CHORDC1: variants seen among roughly 807,000 people sequenced by gnomAD.
CHORDC1 encodes the protein cysteine and histidine-rich domain-containing protein 1.
CHORDC1 carries 25 observed loss-of-function variants against 48.3 expected under a neutral mutation model. That is an observed-to-expected ratio of 0.52 (90% CI 0.38 to 0.72). The LOEUF is 0.72. Among genes scored for constraint, CHORDC1 ranks in the 30% least tolerant of loss-of-function variants. The pLI, the probability that CHORDC1 is intolerant of heterozygous loss-of-function variation, is 0.00. For synonymous variants in CHORDC1, 128 were observed against 126.4 expected, an observed-to-expected ratio of 1.01 and a Z score of -0.09; for missense variants, 317 against 388.7, an observed-to-expected ratio of 0.82 and a Z score of 1.55.
chr11:90,220,922 T>C (rs1236815540), intron 1 of CHORDC1, among the ~76,000 whole-genome samples: 1 of 152,046 alleles, frequency 6.6e-6, no homozygotes, highest in Non-Finnish European at 1.5e-5. Flanking sequence ...CTAGAATAAG[T>C]GTTTAACATA....
rs1565171793 is a variant in CHORDC1, at chr11:90,215,241, CAA to C, written c.115-13_115-12del. ...ACAGCAAGACCAACCCTATGAAAAA[CAA>C]GAGAAGGAAACTAAAAACTCTATTT... On this transcript the variant is annotated splice_polypyrimidine_tract_variant and intron_variant, in intron 2 of 10. Coordinates refer to ENST00000320585, the MANE Select transcript of CHORDC1 (RefSeq NM_012124.3). 15 of 1,538,098 alleles carry C rather than the reference CAA, an allele frequency of 9.8e-6. No individual in the cohort carries two copies. The highest frequency in any genetic ancestry group is 6.9e-5 in the African/African-American group (5 of 72,092).
In CHORDC1 at chr11:90,206,183, T is replaced by A. The variant is rs1247888893; in HGVS notation, c.563+19A>T. 1 of 1,347,558 alleles carries A rather than the reference T, an allele frequency of 7.4e-7. No individual in the cohort carries two copies. The highest frequency in any genetic ancestry group is 1.1e-6 in the Non-Finnish European group (1 of 941,012). 83.5% of individuals were successfully genotyped at this position (1,347,558 alleles called of 1,614,324 possible). On this transcript the variant is annotated intron_variant, in intron 7 of 10. Transcript: ENST00000320585. Reference sequence around the variant, plus strand: ...TAAATTCTACCATAAACTATTTTAATAAGTCATGCATAAGTTACCCCTCAT... The same window carrying A: ...TAAATTCTACCATAAACTATTTTAAAAAGTCATGCATAAGTTACCCCTCAT...
intron 1 of CHORDC1, among the ~76,000 whole-genome samples, chr11:90,219,597 A>T (rs1276562233): frequency 1.3e-5 from 2 of 152,218 alleles, no homozygotes; most frequent in Non-Finnish European, 2.9e-5. Context: ...AACCACAAAC[A>T]ATAGCATGAG....
rs570414680 is a variant in CHORDC1 at position 90,200,692 on chromosome 11, A to G, written c.*1713T>C. ...AATCAATGTTTTGATCAATGTAACT[A>G]ATCTGAGGTTACAATAACTCACTGC... On this transcript the variant is annotated 3_prime_UTR_variant, in exon 11 of 11. Transcript: ENST00000320585. Among the ~76,000 whole-genome samples the G allele has an allele frequency of 6.6e-6, 1 of 152,068 alleles. No homozygotes were observed. The highest frequency in any genetic ancestry group is 2.4e-5 in the African/African-American group (1 of 41,548).
At chr11:90,222,697 C>G (rs1211843618) in intron 1 of CHORDC1, 194 bp downstream of exon 1, 1 of 705,640 alleles carries the variant, frequency 1.4e-6, no homozygotes, top group Non-Finnish European at 2.6e-6. Flanking sequence ...GGGCCGGGCG[C>G]TCGCCAAGGG....
At chr11:90,221,291 T>A (rs986610158) in intron 1 of CHORDC1, among the ~76,000 whole-genome samples, 4 of 152,210 alleles carry the variant, frequency 2.6e-5, no homozygotes, top group Non-Finnish European at 5.9e-5. Flanking sequence ...TATCTCCATT[T>A]TCTTCTCCTT....
chr11:90,202,575 C>T (rs767233638), intron 10 of CHORDC1, 24 bp from the exon 11 acceptor site: 18 of 1,607,858 alleles, frequency 1.1e-5, no homozygotes, highest in Middle Eastern at 1.7e-4. Context: ...AAGAGAATTA[C>T]AGGAAACCTC....
At chr11:90,206,308 G>GT (rs1461637539) in intron 6 of CHORDC1, 36 bp from the exon 7 acceptor site, 6 of 1,108,836 alleles carry the variant, frequency 5.4e-6, no homozygotes, top group African/African-American at 1.5e-5. Flanking sequence ...AATTAGCTGC[G>GT]TATCTTACAG....
intron 1 of CHORDC1, among the ~76,000 whole-genome samples, chr11:90,220,603 G>A (rs890454663): frequency 6.6e-6 from 1 of 152,124 alleles, no homozygotes; most frequent in Non-Finnish European, 1.5e-5. Flanking sequence ...AGTCAGATCT[G>A]AACCATACAA....
At position 90,203,215 on chromosome 11, in the gene CHORDC1, T is replaced by C. The variant is rs1161812615; in HGVS notation, c.789+93A>G. 3 of 1,201,202 alleles carry C rather than the reference T, an allele frequency of 2.5e-6. No homozygotes were observed. In the African/African-American group the frequency reaches 4.5e-5, roughly 18 times the overall value. 74.4% of individuals were successfully genotyped at this position (1,201,202 alleles called of 1,614,324 possible). On this transcript the variant is annotated intron_variant, in intron 9 of 10. Coordinates refer to ENST00000320585, the MANE Select transcript of CHORDC1 (RefSeq NM_012124.3). ...GTCATTATAAAATCTTACCCCCAAA[T>C]CAGCTGAGATATAAACAATACTTTA...
At chr11:90,204,844 G>C (rs906617300) in intron 8 of CHORDC1, among the ~76,000 whole-genome samples, 7 of 152,168 alleles carry the variant, frequency 4.6e-5, no homozygotes, top group Admixed American at 4.6e-4. Flanking sequence ...TGAGCAATAA[G>C]TTGCTCATCC....
chr11:90,205,851 G>C (rs1040595861), intron 7 of CHORDC1: 26 of 447,882 alleles, frequency 5.8e-5, no homozygotes, highest in African/African-American at 5.2e-4. Flanking sequence ...TTGGGATAAT[G>C]TTGTCTTAGT....
intron 1 of CHORDC1, among the ~76,000 whole-genome samples, chr11:90,220,879 A>T (rs1051449563): frequency 1.3e-5 from 2 of 151,896 alleles, no homozygotes; most frequent in African/African-American, 2.4e-5. Flanking sequence ...TACGTCGATT[A>T]AAAAAAATAC....
chr11:90,202,761 C>G (rs977948840), intron 10 of CHORDC1, 52 bp downstream of exon 10: 12 of 1,527,170 alleles, frequency 7.9e-6, no homozygotes, highest in Non-Finnish European at 1.1e-5. Flanking sequence ...TTTTATTCTA[C>G]AAATGATCTA....
intron 4 of CHORDC1, chr11:90,212,310 T>G (rs1277777916): frequency 6.6e-6 from 1 of 152,208 alleles, no homozygotes; most frequent in African/African-American, 2.4e-5. Context: ...GTTTTTTTCT[T>G]GCCTGCCACC....
chr11:90,200,611 A>G lies in CHORDC1; in HGVS notation c.*1794T>C, dbSNP rs1415781546. ...GAAGAAAGTAAATACCATGGTCACT[A>G]ATGTAACCAGACTAAATATAAAAGC... On this transcript the variant is annotated 3_prime_UTR_variant, in exon 11 of 11. Coordinates refer to ENST00000320585, the MANE Select transcript of CHORDC1 (RefSeq NM_012124.3). 6.6e-6 allele frequency among the ~76,000 whole-genome samples: 1 copy of G among 151,674 alleles called. No individual in the cohort carries two copies. Among genetic ancestry groups the G allele is most frequent in the Non-Finnish European group, 1.5e-5 (1 of 67,812 alleles).
chr11:90,205,980 T>C lies in CHORDC1; in HGVS notation c.563+222A>G, dbSNP rs181350855. Reference sequence around the variant, plus strand: ...AATATGAAGAAAAACAGGCAGTTTATATCACAATGACCACTTAAGAACTGT... The same window carrying C: ...AATATGAAGAAAAACAGGCAGTTTACATCACAATGACCACTTAAGAACTGT... On this transcript the variant is annotated intron_variant, in intron 7 of 10. Transcript: ENST00000320585. 1.4e-4 allele frequency: 76 copies of C among 544,548 alleles called. No individual in the cohort carries two copies. The East Asian group carries it at 2.2e-3, about 16-fold the overall frequency. The allele number at this position is 544,548 out of a possible 1,614,324, so 33.7% of individuals were successfully genotyped here. A position where few individuals can be genotyped will look rare whatever the true frequency, so the allele number is the denominator to read the frequency against.
rs1206081604 is a variant in CHORDC1, at chr11:90,203,310, A to T, written c.787T>A (p.Leu263Met). 4 of 1,587,750 alleles carry T rather than the reference A, an allele frequency of 2.5e-6. No homozygotes were observed. Among genetic ancestry groups the T allele is most frequent in the Non-Finnish European group, 3.4e-6 (4 of 1,162,278 alleles). ...CCAAAATTATAAGATGTACTTACCA[A>T]TGTGCTATTTGCTTCTACTCGGCTA... Reference protein sequence around the residue: ...ELSRVEANSTLLNVHIVFEGE... With the variant: ...ELSRVEANSTMLNVHIVFEGE... Residue 263 changes from leucine (L) to methionine (M), a missense_variant and splice_region_variant, in exon 9 of 11, where the codon TTG becomes ATG. Physicochemically the swap from Leu to Met is conservative, Grantham distance 15. Coordinates refer to ENST00000320585, the MANE Select transcript of CHORDC1 (RefSeq NM_012124.3).
chr11:90,222,669 G>A (rs1366121647), intron 1 of CHORDC1: 5 of 695,156 alleles, frequency 7.2e-6, no homozygotes, highest in African/African-American at 3.5e-5. Context: ...CGCAGTGGCA[G>A]AGGACAGTCA....
Sources: gnomAD v4.1 joint callset for allele counts (sites outside exome capture counted in the v4.1 genomes callset) on GRCh38, gnomAD v4.1.1 for gene constraint, MANE v1.5 for transcripts, NCBI Gene and HGNC (gene_info 2026-07-23, HGNC 2026-07-21) for gene names.